The following ITIH4 variants were observed in gnomAD, a reference collection of about 807,000 sequenced individuals.
ITIH4 encodes the protein inter-alpha-trypsin inhibitor heavy chain 4.
ITIH4 carries 79 observed loss-of-function variants against 111.8 expected under a neutral mutation model. The observed-to-expected ratio is 0.71, with a 90% confidence interval of 0.59 to 0.85. The LOEUF (loss-of-function observed/expected upper bound fraction) is 0.85, where lower values mean the gene tolerates loss of function less well. Ranked by LOEUF, ITIH4 falls within the 40% of genes least tolerant of loss-of-function variation. The probability of loss-of-function intolerance (pLI) is 0.00; values close to 1 mark genes in which losing one functional copy is unlikely to be tolerated. For synonymous variants in ITIH4, 472 were observed against 468.3 expected, an observed-to-expected ratio of 1.01 and a Z score of -0.10; for missense variants, 1,065 against 1,195.8, an observed-to-expected ratio of 0.89 and a Z score of 1.61.
intron 17 of ITIH4, chr3:52,818,832 C>A (rs1700324589): frequency 2.2e-6 from 1 of 463,778 alleles, no homozygotes; most frequent in Non-Finnish European, 3.9e-6. Flanking sequence ...CCTCATGAGT[C>A]AGCCTCTAGA....
chr3:52,820,187 G>A, intron 14 of ITIH4, 104 bp downstream of exon 14: 2 of 1,492,522 alleles, frequency 1.3e-6, no homozygotes, highest in Non-Finnish European at 1.9e-6. Flanking sequence ...GGAGAGGCCT[G>A]GGTGGACCTG....
In ITIH4 at chr3:52,824,839, T is replaced by C; in HGVS notation, c.876+3A>G. On this transcript the variant is annotated splice_donor_region_variant and intron_variant, in intron 7 of 23. Transcript: ENST00000266041. The surrounding 1 kb of genome is among the most constrained non-coding windows in gnomAD (Gnocchi z 4.3). ...GGGCCCTGCCCTGGGCCACAGGACCTACCTGCTGGATTTTCCTGCCACTCA... is the reference window on the plus strand; with the variant it reads ...GGGCCCTGCCCTGGGCCACAGGACCCACCTGCTGGATTTTCCTGCCACTCA... 3 of 1,609,808 alleles carry C rather than the reference T, an allele frequency of 1.9e-6. No individual in the cohort carries two copies. The highest frequency in any genetic ancestry group is 2.5e-6 in the Non-Finnish European group (3 of 1,176,598).
At chr3:52,814,158 A>G in intron 22 of ITIH4, 51 bp downstream of exon 22, 2 of 1,606,486 alleles carry the variant, frequency 1.2e-6, no homozygotes, top group Non-Finnish European at 1.7e-6. Context: ...CCTGTTCCCA[A>G]GCACAGCTGG....
At chr3:52,815,232 T>G (rs545883045) in intron 21 of ITIH4, among the ~76,000 whole-genome samples, 7 of 149,710 alleles carry the variant, frequency 4.7e-5, no homozygotes, top group South Asian at 2.1e-4. Flanking sequence ...AATATGTGGG[T>G]TTTTTTCTTT....
chr3:52,816,654 C>T (rs934560310), intron 21 of ITIH4, among the ~76,000 whole-genome samples: 3 of 152,212 alleles, frequency 2.0e-5, no homozygotes, highest in Non-Finnish European at 2.9e-5. Flanking sequence ...TAGCTCCAAA[C>T]CACACTGTCT....
In ITIH4 at chr3:52,826,964, AGG is replaced by A; in HGVS notation, c.357-13_357-12del. 6.2e-7 allele frequency: 1 copy of A among 1,614,044 alleles called. No individual in the cohort carries two copies. The highest frequency in any genetic ancestry group is 8.5e-7 in the Non-Finnish European group (1 of 1,180,000). Reference sequence around the variant, plus strand: ...TTTCTCCCGGTGGCCCTGGGGGAGAAGGGCATCAGGCCTGCTCCTCCAGGACA... The same window carrying A: ...TTTCTCCCGGTGGCCCTGGGGGAGAAGCATCAGGCCTGCTCCTCCAGGACA... On this transcript the variant is annotated splice_polypyrimidine_tract_variant and intron_variant, in intron 3 of 23. Coordinates refer to ENST00000266041, the MANE Select transcript of ITIH4 (RefSeq NM_002218.5).
Position 52,829,102 on chromosome 3 carries a change from G to C in ITIH4, c.251+17C>G. 1 of 1,594,416 alleles carries C rather than the reference G, an allele frequency of 6.3e-7. No individual in the cohort carries two copies. Among genetic ancestry groups the C allele is most frequent in the Non-Finnish European group, 8.6e-7 (1 of 1,165,924 alleles). On this transcript the variant is annotated intron_variant, in intron 2 of 23. Transcript: ENST00000266041. ...CTGGGGGGTGTGGAGAGGGGAGGAG[G>C]GTGGGAAGGCACCTACATGGAGAAG... is the stretch of plus-strand genomic sequence containing the variant.
At chr3:52,818,359 G>T in intron 18 of ITIH4, 76 bp from the exon 19 acceptor site, 1 of 1,566,112 alleles carries the variant, frequency 6.4e-7, no homozygotes, top group Non-Finnish European at 8.7e-7. Context: ...GCAGTGACTA[G>T]GTGTGGCTGG....
chr3:52,826,054 A>G (rs367878840), intron 5 of ITIH4, 40 bp from the exon 6 acceptor site: 1 of 1,612,238 alleles, frequency 6.2e-7, no homozygotes, highest in African/African-American at 1.3e-5. Context: ...AGGAACAGCA[A>G]AGCCAGGCCA....
In ITIH4 at chr3:52,826,777, G is replaced by A; in HGVS notation, c.519+14C>T. ...CATGCAGGAGGCCTCCCTGGAAGAGGTAGCAGCAGGTACCTGCAGGTGCTT... is the reference window on the plus strand; with the variant it reads ...CATGCAGGAGGCCTCCCTGGAAGAGATAGCAGCAGGTACCTGCAGGTGCTT... On this transcript the variant is annotated intron_variant, in intron 4 of 23. Transcript: ENST00000266041. The A allele has an allele frequency of 6.2e-7, 1 of 1,613,686 alleles. No homozygotes were observed. Among genetic ancestry groups the A allele is most frequent in the South Asian group, 1.1e-5 (1 of 91,086 alleles).
chr3:52,819,430 G>C lies in ITIH4; in HGVS notation c.2040C>G (p.Asp680Glu), dbSNP rs1700335415. Residue 680 changes from aspartate (D) to glutamate (E), a missense_variant, in exon 17 of 24, where the codon GAC becomes GAG. Coordinates refer to ENST00000266041, the MANE Select transcript of ITIH4 (RefSeq NM_002218.5). Reference protein sequence around the residue: ...LGLPGPPDVPDHAAYHPFRRL... With the variant: ...LGLPGPPDVPEHAAYHPFRRL... Reference sequence around the variant, plus strand: ...GGCGGAAGGGGTGGTAAGCAGCATGGTCAGGAACATCAGGAGGTCCTGGGA... The same window carrying C: ...GGCGGAAGGGGTGGTAAGCAGCATGCTCAGGAACATCAGGAGGTCCTGGGA... 3 of 1,614,166 alleles carry C rather than the reference G, an allele frequency of 1.9e-6. No individual in the cohort carries two copies. Among genetic ancestry groups the C allele is most frequent in the Non-Finnish European group, 2.5e-6 (3 of 1,180,004 alleles).
chr3:52,826,197 T>C (rs540015523), intron 5 of ITIH4, among the ~76,000 whole-genome samples, 183 bp from the exon 6 acceptor site: 1 of 152,332 alleles, frequency 6.6e-6, no homozygotes, highest in South Asian at 2.1e-4. Flanking sequence ...AGGGGTGTGA[T>C]GAGCTCCCTG....
At chr3:52,818,621 GC>G in intron 17 of ITIH4, 85 bp from the exon 18 acceptor site, 7 of 1,143,310 alleles carry the variant, frequency 6.1e-6, no homozygotes, top group South Asian at 5.3e-5. Flanking sequence ...CCAAGCTCCA[GC>G]CCCCCATCCT....
At chr3:52,818,650 C>T in intron 17 of ITIH4, 114 bp from the exon 18 acceptor site, 3 of 799,496 alleles carry the variant, frequency 3.8e-6, no homozygotes, top group Non-Finnish European at 2.1e-6. Context: ...ATACACTCCA[C>T]CTAGAATGGC....
rs1021295022 is a variant in ITIH4, at chr3:52,824,773, C to T, written c.876+69G>A. On this transcript the variant is annotated intron_variant, in intron 7 of 23. Coordinates refer to ENST00000266041, the MANE Select transcript of ITIH4 (RefSeq NM_002218.5). This position sits in a 1 kb window ranked among gnomAD's most constrained non-coding sequence, Gnocchi z 4.3. ...AAGGTGAAGCAAGGGGGTCTGCCTG[C>T]CGGACCACAGCTGATAGCGTGAAGG... The T allele has an allele frequency of 2.9e-6, 4 of 1,370,656 alleles. No homozygotes were observed. The highest frequency in any genetic ancestry group is 2.9e-5 in the African/African-American group (2 of 69,148). The allele number at this position is 1,370,656 out of a possible 1,614,324, so 84.9% of individuals were successfully genotyped here.
chr3:52,816,963 G>A lies in ITIH4; in HGVS notation c.2392C>T (p.Pro798Ser), dbSNP rs1191573525. 1.7e-5 allele frequency: 28 copies of A among 1,613,928 alleles called. No individual in the cohort carries two copies. Among genetic ancestry groups the A allele is most frequent in the Non-Finnish European group, 2.3e-5 (27 of 1,179,982 alleles). ...TTCCGAGTCACCACCACGTGTTCAG[G>A]GGATGCGTGAACCCATACCAGGGGG... ...KNPLVWVHAS[P>S]EHVVVTRNRR... is the part of the protein sequence containing the mutation. Residue 798 changes from proline to serine, a missense_variant, in exon 21 of 24, where the codon CCT (proline) becomes TCT (serine). Pro to Ser is a moderately conservative substitution (Grantham distance 74). Transcript: ENST00000266041.
chr3:52,816,362 G>T (rs1249869763), intron 21 of ITIH4, among the ~76,000 whole-genome samples: 1 of 152,222 alleles, frequency 6.6e-6, no homozygotes, highest in Non-Finnish European at 1.5e-5. Flanking sequence ...CCAAGGATAC[G>T]CTAAAGAGAA....
chr3:52,827,025 C>T, intron 3 of ITIH4, 68 bp downstream of exon 3: 6 of 1,612,424 alleles, frequency 3.7e-6, no homozygotes, highest in Non-Finnish European at 5.1e-6. Flanking sequence ...GGGAGCAGGA[C>T]TAAGGGCCAA....
intron 21 of ITIH4, among the ~76,000 whole-genome samples, chr3:52,815,266 C>T (rs1214500251): frequency 3.5e-5 from 5 of 142,172 alleles, no homozygotes; most frequent in Admixed American, 2.9e-4. Context: ...TTTTTTGAGA[C>T]GGAGTCTCGC....
Sources: allele counts gnomAD v4.1 joint callset (sites outside exome capture counted in the v4.1 genomes callset), GRCh38; gene constraint gnomAD v4.1.1; non-coding constraint Gnocchi (gnomAD v3.1); transcripts MANE v1.5; gene names NCBI Gene and HGNC (gene_info 2026-07-23, HGNC 2026-07-21).